The following RPS6KA2 variants were observed in gnomAD, a reference collection of about 807,000 sequenced individuals.
The protein encoded by RPS6KA2 is ribosomal protein S6 kinase alpha-2.
A neutral mutation model predicts 91.8 loss-of-function variants in RPS6KA2; 42 were observed. The ratio of observed to expected loss-of-function variants is 0.46; its 90% CI spans 0.36 to 0.59. The LOEUF (loss-of-function observed/expected upper bound fraction) is 0.59, where lower values mean the gene tolerates loss of function less well. RPS6KA2 is among the 20% of genes least tolerant of loss of function. RPS6KA2 has a pLI of 0.00. For missense variants in RPS6KA2, 798 were observed against 978.5 expected (o/e 0.82, Z 2.46); for synonymous variants, 414 against 393.6 (o/e 1.05, Z -0.61).
chr6:166,793,256 G>C (rs563502961), intron 2 of RPS6KA2, among the ~76,000 whole-genome samples: 13 of 149,312 alleles, frequency 8.7e-5, no homozygotes, highest in Non-Finnish European at 1.6e-4. Context: ...ATTCACAATT[G>C]CTTCAAAGAG....
chr6:166,567,811 G>A (rs1042874423), intron 1 of RPS6KA2, among the ~76,000 whole-genome samples: 15 of 152,198 alleles, frequency 9.9e-5, no homozygotes, highest in African/African-American at 3.4e-4. Context: ...ACCAGCAGGA[G>A]ACAAGAGGTT....
At chr6:166,817,911 T>C (rs898079041) in intron 2 of RPS6KA2, among the ~76,000 whole-genome samples, 2 of 151,864 alleles carry the variant, frequency 1.3e-5, no homozygotes, top group Admixed American at 6.6e-5. Context: ...TTAGTAGAGA[T>C]GGGTTTTCAC....
intron 1 of RPS6KA2, among the ~76,000 whole-genome samples, chr6:166,582,376 T>A (rs999054579): frequency 6.6e-6 from 1 of 152,224 alleles, no homozygotes; most frequent in Non-Finnish European, 1.5e-5. Context: ...AAAACCAAAC[T>A]TCTTGGGAGA....
intron 2 of RPS6KA2, among the ~76,000 whole-genome samples, chr6:166,801,037 G>A (rs16899479): frequency 0.012 from 1,798 of 152,246 alleles, 35 homozygotes; most frequent in African/African-American, 0.038. Flanking sequence ...TTCTCTAGGC[G>A]GTCATGGAAA....
intron 10 of RPS6KA2, among the ~76,000 whole-genome samples, chr6:166,476,318 GAC>G (rs1283463213): frequency 4.6e-5 from 7 of 152,298 alleles, no homozygotes; most frequent in African/African-American, 1.7e-4. Flanking sequence ...GCTGCGGGAG[GAC>G]ACATTTCTGC....
intron 1 of RPS6KA2, among the ~76,000 whole-genome samples, chr6:166,588,783 G>T (rs1349861002): frequency 6.6e-6 from 1 of 152,220 alleles, no homozygotes; most frequent in African/African-American, 2.4e-5. Flanking sequence ...AGAGAGTCCA[G>T]CTGGGCAGTC....
chr6:166,563,192 C>T lies in RPS6KA2; in HGVS notation c.100-24408G>A, dbSNP rs531246316. Among the ~76,000 whole-genome samples, 5 of 152,020 alleles carry T rather than the reference C, an allele frequency of 3.3e-5. No homozygotes were observed. The highest frequency in any genetic ancestry group is 1.9e-4 in the East Asian group (1 of 5,176). ...CAACAAGGGGTCCTGGTGGCTTTTC[C>T]GGGGTAGTGGAGACACCGCCACGTC... On this transcript the variant is annotated intron_variant, in intron 1 of 20. Transcript: ENST00000265678. This position sits in a 1 kb window ranked among gnomAD's most constrained non-coding sequence, Gnocchi z 4.1.
Position 166,469,836 on chromosome 6 carries a change from C to G in RPS6KA2, c.972+5G>C. 2 of 1,613,828 alleles carry G rather than the reference C, an allele frequency of 1.2e-6. No individual in the cohort carries two copies. Among genetic ancestry groups the G allele is most frequent in the Non-Finnish European group, 1.7e-6 (2 of 1,179,698 alleles). ...TGCAGGTGGGGACTGTGGCATGCAA[C>G]TTACGTTCCAGTCTATGGTCACAAA... On this transcript the variant is annotated splice_donor_5th_base_variant and intron_variant, in intron 11 of 20. Coordinates refer to ENST00000265678, the MANE Select transcript of RPS6KA2 (RefSeq NM_021135.6).
intron 2 of RPS6KA2, among the ~76,000 whole-genome samples, chr6:166,807,711 G>A (rs541202804): frequency 2.2e-4 from 33 of 152,108 alleles, no homozygotes; most frequent in Admixed American, 2.2e-3. Context: ...CCCACCGTCT[G>A]CACACAGCCC....
At chr6:166,785,133 A>G (rs1489472825) in intron 2 of RPS6KA2, among the ~76,000 whole-genome samples, 2 of 152,254 alleles carry the variant, frequency 1.3e-5, no homozygotes, top group African/African-American at 2.4e-5. Context: ...TTTGGAGAGC[A>G]CTGACTAGTA....
chr6:166,732,759 C>T lies in RPS6KA2; in HGVS notation c.123+125441G>A, dbSNP rs998907855. 2.6e-5 allele frequency among the ~76,000 whole-genome samples: 4 copies of T among 152,196 alleles called. No individual in the cohort carries two copies. The highest frequency in any genetic ancestry group is 9.7e-5 in the African/African-American group (4 of 41,440). On this transcript the variant is annotated intron_variant, in intron 2 of 21. Coordinates refer to the RPS6KA2 transcript ENST00000503859. This position sits in a 1 kb window ranked among gnomAD's most constrained non-coding sequence, Gnocchi z 4.0. ...GCACAGCACAGGGGCCCGGTCAGAG[C>T]CTCTTCCTACCAGAGGTGATGACAG...
chr6:166,439,327 C>T (rs776190930), intron 14 of RPS6KA2, among the ~76,000 whole-genome samples: 1 of 152,158 alleles, frequency 6.6e-6, no homozygotes, highest in Non-Finnish European at 1.5e-5. Context: ...AGGCTGGTCT[C>T]GAACTCCTGA....
At chr6:166,655,600 G>A (rs970563256) in intron 2 of RPS6KA2, among the ~76,000 whole-genome samples, 1 of 152,192 alleles carries the variant, frequency 6.6e-6, no homozygotes, top group Non-Finnish European at 1.5e-5. Context: ...AGGCTGGAAA[G>A]GTTCTAGCTT....
At chr6:166,772,639 C>T (rs1031952698) in intron 2 of RPS6KA2, among the ~76,000 whole-genome samples, 14 of 152,196 alleles carry the variant, frequency 9.2e-5, no homozygotes, top group African/African-American at 2.7e-4. Context: ...GTTGTGCCTT[C>T]GCCTATCACC....
At chr6:166,764,711 T>G (rs1778261776) in intron 2 of RPS6KA2, among the ~76,000 whole-genome samples, 1 of 152,168 alleles carries the variant, frequency 6.6e-6, no homozygotes, top group South Asian at 2.1e-4. Flanking sequence ...CCTGCAGCCA[T>G]GAGCCCGCAA....
Position 166,515,990 on chromosome 6 carries a change from T to C in RPS6KA2, c.299-5633A>G, listed in dbSNP as rs182313121. On this transcript the variant is annotated intron_variant, in intron 3 of 20. Transcript: ENST00000265678. ...CACCTTTGCTTCGAGTTGTCCAACC[T>C]TTCCGGACTGAACCAATGTTCATCA... Among the ~76,000 whole-genome samples the C allele has an allele frequency of 4.6e-3, 702 of 152,326 alleles. 6 individuals carry two copies. Among genetic ancestry groups the C allele is most frequent in the African/African-American group, 0.016 (678 of 41,564 alleles).
intron 2 of RPS6KA2, chr6:166,701,663 G>C: frequency 7.9e-7 from 1 of 1,263,282 alleles, no homozygotes; most frequent in Non-Finnish European, 1.2e-6. Context: ...ATGGCTGAAG[G>C]GGGCCCTGAG....
At chr6:166,686,451 C>T (rs562540517) in intron 2 of RPS6KA2, among the ~76,000 whole-genome samples, 11 of 152,312 alleles carry the variant, frequency 7.2e-5, no homozygotes, top group Admixed American at 2.0e-4. Flanking sequence ...ACTTCTGAAA[C>T]CTCTGATGCC....
At chr6:166,647,306 G>A (rs528519796) in intron 2 of RPS6KA2, among the ~76,000 whole-genome samples, 6 of 152,118 alleles carry the variant, frequency 3.9e-5, no homozygotes, top group African/African-American at 9.6e-5. Flanking sequence ...GCGTTTGATC[G>A]CTCTGTCACC....
Sources: gnomAD v4.1 joint callset for allele counts (sites outside exome capture counted in the v4.1 genomes callset) on GRCh38, gnomAD v4.1.1 for gene constraint, Gnocchi (gnomAD v3.1) non-coding constraint, MANE v1.5 for transcripts, NCBI Gene and HGNC (gene_info 2026-07-23, HGNC 2026-07-21) for gene names.